Variants in LRCH2 observed in about 807,000 individuals in gnomAD.
The protein encoded by LRCH2 is leucine rich repeats and calponin homology domain containing 2, also known as leucine-rich repeat and calponin homology domain-containing protein 2.
Under a neutral mutation model 68.9 loss-of-function variants are expected in LRCH2, and 38 were observed. The ratio of observed to expected loss-of-function variants is 0.55; its 90% CI spans 0.43 to 0.72. The LOEUF (loss-of-function observed/expected upper bound fraction) is 0.72. LRCH2 is among the 30% of genes least tolerant of loss of function. The probability of loss-of-function intolerance (pLI) is 0.00; values close to 1 mark genes in which losing one functional copy is unlikely to be tolerated. For synonymous variants in LRCH2, 191 were observed against 208.1 expected, an observed-to-expected ratio of 0.92 and a Z score of 0.71; for missense variants, 528 against 572.9, an observed-to-expected ratio of 0.92 and a Z score of 0.80.
intron 1 of LRCH2, among the ~76,000 whole-genome samples, chrX:115,224,939 C>A (rs1195792673): frequency 9.0e-6 from 1 of 111,434 alleles, no homozygotes; most frequent in East Asian, 2.8e-4. Context: ...ATATGATTGG[C>A]CAAAAAGAAT....
At position 115,233,673 on chromosome X, in the gene LRCH2, C is replaced by T; in HGVS notation, c.349+20G>A. ...CACCTCCTCCTTCACAGCCAGCTTC[C>T]CCTCCCCCCGTCCTGTCACCTGCTT... is the stretch of plus-strand genomic sequence containing the variant. On this transcript the variant is annotated intron_variant, in intron 1 of 20. Coordinates refer to ENST00000317135, the MANE Select transcript of LRCH2 (RefSeq NM_020871.4). The T allele has an allele frequency of 1.8e-6, 2 of 1,120,381 alleles. No individual in the cohort carries two copies. Among genetic ancestry groups the T allele is most frequent in the South Asian group, 4.4e-5 (2 of 45,865 alleles). 92.3% of individuals were successfully genotyped at this position (1,120,381 alleles called of 1,213,427 possible). A position where few individuals can be genotyped will look rare whatever the true frequency, so the allele number is the denominator to read the frequency against.
intron 14 of LRCH2, among the ~76,000 whole-genome samples, chrX:115,144,178 C>A: frequency 9.0e-6 from 1 of 111,550 alleles, no homozygotes; most frequent in East Asian, 2.8e-4. Flanking sequence ...GTAAGACGTG[C>A]CTTTCACCTT....
In LRCH2 at chrX:115,166,303, G is replaced by A. The variant is rs782565823; in HGVS notation, c.1038C>T (p.Asp346=). ...DFYPNKNHGP[D]SGIGSDNGEK... ...CTCCATTATCACTTCCAATTCCAGA[G>A]TCAGGGCCATGATTTTTATTTGGAT... The change falls in exon 7 of 21, where the codon GAC becomes GAT. Residue 346 remains aspartate, a synonymous_variant. Coordinates refer to ENST00000317135, the MANE Select transcript of LRCH2 (RefSeq NM_020871.4). The A allele has an allele frequency of 8.4e-7, 1 of 1,194,755 alleles. No homozygotes were observed. Among genetic ancestry groups the A allele is most frequent in the East Asian group, 3.0e-5 (1 of 33,582 alleles).
At chrX:115,146,107 A>T in intron 14 of LRCH2, among the ~76,000 whole-genome samples, 1 of 112,277 alleles carries the variant, frequency 8.9e-6, no homozygotes, top group East Asian at 2.8e-4. Context: ...CTATTCAGCC[A>T]TAAAGAAGGA....
chrX:115,122,042 T>C (rs1362514775), intron 20 of LRCH2, among the ~76,000 whole-genome samples: 1 of 111,474 alleles, frequency 9.0e-6, no homozygotes, highest in Non-Finnish European at 1.9e-5. Context: ...AGACAATTCC[T>C]AAAAATTTCA....
At chrX:115,174,634 C>T (rs1438078259) in intron 5 of LRCH2, among the ~76,000 whole-genome samples, 12 of 105,064 alleles carry the variant, frequency 1.1e-4, no homozygotes, top group African/African-American at 4.3e-4. Context: ...TTTCTTTATC[C>T]ATTCATCTGT....
rs192687026 is a variant in LRCH2, at chrX:115,113,169, C to A, written c.*47G>T. On this transcript the variant is annotated 3_prime_UTR_variant, in exon 21 of 21. Coordinates refer to ENST00000317135, the MANE Select transcript of LRCH2 (RefSeq NM_020871.4). ...TTCATGAATTTGAAATATTTGAAAT[C>A]ACTTCAAATAAATGAAACTATACAC... 110 of 1,029,184 alleles carry A rather than the reference C, an allele frequency of 1.1e-4. No individual in the cohort carries two copies. The Middle Eastern group carries it at 2.4e-3, about 23-fold the overall frequency. The allele number at this position is 1,029,184 out of a possible 1,213,427, so 84.8% of individuals were successfully genotyped here. A position where few individuals can be genotyped will look rare whatever the true frequency, so the allele number is the denominator to read the frequency against.
At chrX:115,214,393 T>C (rs904910586) in intron 1 of LRCH2, among the ~76,000 whole-genome samples, 43 of 112,028 alleles carry the variant, frequency 3.8e-4, no homozygotes, top group Non-Finnish European at 7.5e-5. Flanking sequence ...CCTCAACAGA[T>C]GCCCTCTGCA....
chrX:115,191,058 C>A (rs782706396), intron 1 of LRCH2: 1 of 1,161,408 alleles, frequency 8.6e-7, no homozygotes, highest in South Asian at 1.9e-5. Flanking sequence ...GTTCCAGCAA[C>A]AGTTACGGCC....
intron 5 of LRCH2, among the ~76,000 whole-genome samples, chrX:115,177,916 G>C (rs1349358701): frequency 9.0e-6 from 1 of 110,647 alleles, no homozygotes; most frequent in Non-Finnish European, 1.9e-5. Context: ...TTCTACATGT[G>C]TATTTAAATG....
chrX:115,166,400 C>T (rs898501494), intron 6 of LRCH2, 58 bp from the exon 7 acceptor site: 1 of 764,386 alleles, frequency 1.3e-6, no homozygotes, highest in Non-Finnish European at 1.9e-6. Flanking sequence ...AGATAATGCA[C>T]ATTTGACCTA....
intron 5 of LRCH2, among the ~76,000 whole-genome samples, chrX:115,177,753 C>G (rs894640493): frequency 9.0e-6 from 1 of 110,524 alleles, no homozygotes; most frequent in East Asian, 2.8e-4. Flanking sequence ...TTTTCAACCC[C>G]GCATGTATTA....
chrX:115,135,451 G>A (rs1556531656), intron 14 of LRCH2, among the ~76,000 whole-genome samples: 1 of 110,947 alleles, frequency 9.0e-6, no homozygotes, highest in East Asian at 2.8e-4. Flanking sequence ...TTAAAGTTGT[G>A]ACTCAATTAC....
At chrX:115,178,596 T>C (rs2072668836) in intron 5 of LRCH2, among the ~76,000 whole-genome samples, 1 of 112,011 alleles carries the variant, frequency 8.9e-6, no homozygotes, top group African/African-American at 3.2e-5. Context: ...TTGAATCTGA[T>C]TGCCTTCTCC....
At chrX:115,140,954 C>T (rs2072332272) in intron 14 of LRCH2, among the ~76,000 whole-genome samples, 1 of 110,888 alleles carries the variant, frequency 9.0e-6, no homozygotes, top group Non-Finnish European at 1.9e-5. Context: ...CACTTGAGGC[C>T]AGGCGTGGTA....
Position 115,112,975 on chromosome X carries a change from G to A in LRCH2, c.*241C>T. On this transcript the variant is annotated 3_prime_UTR_variant, in exon 21 of 21. Coordinates refer to ENST00000317135, the MANE Select transcript of LRCH2 (RefSeq NM_020871.4). ...TGAAAAATAATCAAGATTATCAACT[G>A]ACTTAGTAAAAAGAGAATTTGAGTT... 4.3e-6 allele frequency: 1 copy of A among 231,010 alleles called. No homozygotes were observed. The highest frequency in any genetic ancestry group is 7.8e-6 in the Non-Finnish European group (1 of 127,706). The allele number at this position is 231,010 out of a possible 1,213,427, so 19.0% of individuals were successfully genotyped here. A position where few individuals can be genotyped will look rare whatever the true frequency, so the allele number is the denominator to read the frequency against.
chrX:115,164,573 G>A (rs2072543507), intron 10 of LRCH2, among the ~76,000 whole-genome samples: 1 of 111,469 alleles, frequency 9.0e-6, no homozygotes, highest in East Asian at 2.8e-4. Flanking sequence ...GTCATTTGGA[G>A]GAAGCATAAT....
chrX:115,223,323 G>C (rs1235787735), intron 1 of LRCH2, among the ~76,000 whole-genome samples: 1 of 111,546 alleles, frequency 9.0e-6, no homozygotes, highest in Non-Finnish European at 1.9e-5. Context: ...AGCAACATAA[G>C]AAAATAGATA....
chrX:115,166,985 ATATT>A (rs1159146771), intron 6 of LRCH2, among the ~76,000 whole-genome samples: 1 of 108,903 alleles, frequency 9.2e-6, no homozygotes, highest in African/African-American at 3.3e-5. Flanking sequence ...AAAACATTAC[ATATT>A]TATTGTGAAA....
Sources: gnomAD v4.1 joint callset for allele counts (sites outside exome capture counted in the v4.1 genomes callset) on GRCh38, gnomAD v4.1.1 for gene constraint, MANE v1.5 for transcripts, NCBI Gene and HGNC (gene_info 2026-07-23, HGNC 2026-07-21) for gene names.